The following RELN variants were observed in gnomAD, a reference collection of about 807,000 sequenced individuals.
RELN encodes reelin.
In RELN, 108 loss-of-function variants were observed where a neutral mutation model predicts 427.6. The observed-to-expected ratio is 0.25, with a 90% CI of 0.22 to 0.30. RELN has a LOEUF of 0.30. Among genes scored for constraint, RELN ranks in the 10% least tolerant of loss-of-function variants. The probability of loss-of-function intolerance (pLI) is 1.00; values close to 1 mark genes in which losing one functional copy is unlikely to be tolerated. For synonymous variants in RELN, 1,524 were observed against 1,513.4 expected (o/e 1.01, Z -0.16); for missense variants, 3,715 against 4,302.8 (o/e 0.86, Z 3.82).
Position 103,824,111 on chromosome 7 carries a change from C to A in RELN, c.473+9426G>T, listed in dbSNP as rs917922080. ...ACTGAAGGCTTATCACGACCTTTATCAGTACTAATTTATTTTATTTATCTT... is the reference window on the plus strand; with the variant it reads ...ACTGAAGGCTTATCACGACCTTTATAAGTACTAATTTATTTTATTTATCTT... On this transcript the variant is annotated intron_variant, in intron 3 of 64. Coordinates refer to ENST00000428762, the MANE Select transcript of RELN (RefSeq NM_005045.4). This position sits in a 1 kb window ranked among gnomAD's most constrained non-coding sequence, Gnocchi z 4.4. 2.6e-5 allele frequency among the ~76,000 whole-genome samples: 4 copies of A among 152,046 alleles called. No homozygotes were observed. The highest frequency in any genetic ancestry group is 4.4e-5 in the Non-Finnish European group (3 of 68,004).
chr7:103,715,894 G>A (rs1481195666), intron 8 of RELN, among the ~76,000 whole-genome samples: 4 of 152,148 alleles, frequency 2.6e-5, no homozygotes, highest in African/African-American at 4.8e-5. Context: ...CTGCCAGGCC[G>A]TCCTCCTTTC....
chr7:103,941,774 G>C (rs1431975575), intron 1 of RELN, among the ~76,000 whole-genome samples: 1 of 151,848 alleles, frequency 6.6e-6, no homozygotes, highest in Non-Finnish European at 1.5e-5. Context: ...GTGACTTTTG[G>C]AAACTAAAAA....
chr7:103,513,013 TTA>T lies in RELN; in HGVS notation c.8120-2010_8120-2009del, dbSNP rs1328309625. ...GATTCAAATAGTTACTGCAATTCCA[TTA>T]TCTGTTTTTTTACTGTGAGGGATTT... On this transcript the variant is annotated intron_variant, in intron 50 of 64. Transcript: ENST00000428762. 3 of 152,340 alleles carry T rather than the reference TTA, an allele frequency of 2.0e-5. No homozygotes were observed. The East Asian group carries it at 5.8e-4, about 29-fold the overall frequency. The allele number at this position is 152,340 out of a possible 1,614,324, so 9.4% of individuals were successfully genotyped here.
intron 46 of RELN, 32 bp downstream of exon 46, chr7:103,535,284 A>T (rs1209813352): frequency 6.2e-7 from 1 of 1,607,758 alleles, no homozygotes; most frequent in African/African-American, 1.3e-5. Flanking sequence ...TATACGTAGA[A>T]GCATGTGGTG....
At chr7:103,630,642 A>G (rs1832432422) in intron 19 of RELN, among the ~76,000 whole-genome samples, 1 of 152,214 alleles carries the variant, frequency 6.6e-6, no homozygotes, top group African/African-American at 2.4e-5. Flanking sequence ...CGATTATTGT[A>G]CACAGCAGCG....
intron 6 of RELN, among the ~76,000 whole-genome samples, chr7:103,733,635 T>C (rs28568319): frequency 0.023 from 3,204 of 139,896 alleles, 151 homozygotes; most frequent in African/African-American, 0.083. Context: ...TTCATGTCCT[T>C]TGTAGGGACA....
At chr7:103,805,420 A>T (rs1300837133) in intron 3 of RELN, among the ~76,000 whole-genome samples, 1 of 152,222 alleles carries the variant, frequency 6.6e-6, no homozygotes, top group African/African-American at 2.4e-5. Context: ...CATATAACTG[A>T]CAACTATATG....
intron 4 of RELN, among the ~76,000 whole-genome samples, chr7:103,755,815 G>GAAAAAAA (rs4006762): frequency 1.1e-4 from 11 of 103,624 alleles, no homozygotes; most frequent in Non-Finnish European, 1.6e-4. Flanking sequence ...TCCACCTCAA[G>GAAAAAAA]AAAAAAAAAA....
Position 103,575,601 on chromosome 7 carries a change from C to T in RELN, c.4250G>A (p.Ser1417Asn), listed in dbSNP as rs1204957809. The T allele has an allele frequency of 1.2e-6, 2 of 1,614,160 alleles. No individual in the cohort carries two copies. The highest frequency in any genetic ancestry group is 4.5e-5 in the East Asian group (2 of 44,874). Residue 1417 changes from serine to asparagine, a missense_variant, in exon 29 of 65, where the codon AGT becomes AAT. Coordinates refer to ENST00000428762, the MANE Select transcript of RELN (RefSeq NM_005045.4). ...TCCTGAAATGCAGTCCCCATGGCCA[C>T]TGCAGTAACTGGGACAAGGCTCGGA... Reference protein sequence around the residue: ...YISEPCPSYCSGHGDCISGVC... With the variant: ...YISEPCPSYCNGHGDCISGVC...
At position 103,483,662 on chromosome 7, in the gene RELN, T is replaced by G; in HGVS notation, c.10172A>C (p.Asn3391Thr). The change falls in exon 62 of 65, where the codon AAT becomes ACT. Residue 3391 changes from asparagine (N) to threonine (T), a missense_variant. Around this residue, in one of 4 missense-constraint regions of RELN, gnomAD observed 195 missense variants for 281.3 expected, o/e 0.69. Transcript: ENST00000428762. ...DFTQAQRVSY[N>T]VPLEARMKGV... ...CATTTGGGCCACTTACAGGGGGACA[T>G]TGTAAGACACTCTCTGAGCTTGTGT... is the stretch of plus-strand genomic sequence containing the variant. 1 of 1,614,138 alleles carries G rather than the reference T, an allele frequency of 6.2e-7. No individual in the cohort carries two copies.
chr7:103,560,057 A>G (rs1406469626), intron 36 of RELN, among the ~76,000 whole-genome samples: 1 of 152,152 alleles, frequency 6.6e-6, no homozygotes, highest in Non-Finnish European at 1.5e-5. Flanking sequence ...TTATATTTGT[A>G]ATATTTGTTT....
At chr7:103,736,793 A>G (rs1790504744) in intron 6 of RELN, among the ~76,000 whole-genome samples, 1 of 152,198 alleles carries the variant, frequency 6.6e-6, no homozygotes, top group Admixed American at 6.6e-5. Flanking sequence ...CAGAAATTAA[A>G]CAAGGAAGTA....
chr7:103,833,600 G>A lies in RELN; in HGVS notation c.410C>T (p.Pro137Leu), dbSNP rs1793327210. ...CCAGATGAAACTGAGGTTGGTTGTG[G>A]GCAGGTGACTCACGTGAGAGGCTAC... is the stretch of plus-strand genomic sequence containing the variant. The part of the protein sequence containing the change: ...SVVASHVSHL[P>L]TTNLSFIWIA... The change falls in exon 3 of 65, where the codon CCC becomes CTC. Residue 137 changes from proline to leucine, a missense_variant. Coordinates refer to ENST00000428762, the MANE Select transcript of RELN (RefSeq NM_005045.4). 1.9e-6 allele frequency: 3 copies of A among 1,613,696 alleles called. No individual in the cohort carries two copies. Among genetic ancestry groups the A allele is most frequent in the African/African-American group, 2.7e-5 (2 of 74,904 alleles).
At chr7:103,813,127 C>T (rs1271937751) in intron 3 of RELN, among the ~76,000 whole-genome samples, 4 of 152,240 alleles carry the variant, frequency 2.6e-5, no homozygotes, top group South Asian at 2.1e-4. Flanking sequence ...GTAGATACTA[C>T]GTTTGTTTCC....
At chr7:103,889,719 A>G (rs6942790) in intron 2 of RELN, among the ~76,000 whole-genome samples, 32,473 of 152,096 alleles carry the variant, frequency 0.21, 3,702 homozygotes, top group African/African-American at 0.25. Context: ...AATATTGAGG[A>G]AGGTTCTGTC....
intron 2 of RELN, among the ~76,000 whole-genome samples, chr7:103,839,165 C>G (rs1166561824): frequency 2.0e-5 from 3 of 152,186 alleles, no homozygotes. Flanking sequence ...AGAAAGCCAA[C>G]AGTATCTTAC....
In RELN at chr7:103,588,504, A is replaced by G. The variant is rs1176938489; in HGVS notation, c.4145+1092T>C. On this transcript the variant is annotated intron_variant, in intron 28 of 64. Coordinates refer to ENST00000428762, the MANE Select transcript of RELN (RefSeq NM_005045.4). ...CAGAGAAGGGTGACTATACTTAACA[A>G]AAGTATACTGTACTCAAGTGATGGA... Among the ~76,000 whole-genome samples, 4 of 152,222 alleles carry G rather than the reference A, an allele frequency of 2.6e-5. No homozygotes were observed. In the East Asian group the frequency reaches 7.7e-4, roughly 29 times the overall value.
At position 103,650,327 on chromosome 7, in the gene RELN, A is replaced by C; in HGVS notation, c.1949T>G (p.Ile650Ser). Reference sequence around the variant, plus strand: ...GATTGGTCCTGTTTGTCTCCAGCGAATCCTGGTGTTCCGGGTTAGTGCTGC... The same window carrying C: ...GATTGGTCCTGTTTGTCTCCAGCGACTCCTGGTGTTCCGGGTTAGTGCTGC... ...PNAALTRNTR[I>S]RWRQTGPILG... Residue 650 changes from isoleucine (I) to serine (S), a missense_variant, in exon 16 of 65, where the codon ATT (isoleucine) becomes AGT (serine). By Grantham distance (142) the Ile-to-Ser change is moderately radical. Coordinates refer to ENST00000428762, the MANE Select transcript of RELN (RefSeq NM_005045.4). 6.2e-7 allele frequency: 1 copy of C among 1,613,120 alleles called. No individual in the cohort carries two copies. The highest frequency in any genetic ancestry group is 8.5e-7 in the Non-Finnish European group (1 of 1,179,422).
Position 103,620,098 on chromosome 7 carries a change from C to A in RELN, c.2703-8295G>T, listed in dbSNP as rs753795117. On this transcript the variant is annotated intron_variant, in intron 20 of 64. Coordinates refer to ENST00000428762, the MANE Select transcript of RELN (RefSeq NM_005045.4). This position sits in a 1 kb window ranked among gnomAD's most constrained non-coding sequence, Gnocchi z 4.1. Reference sequence around the variant, plus strand: ...GTGGGAGGGATCCAGTGGGAGATAACTGAATGATGGGGATGGGTTCACCCA... The same window carrying A: ...GTGGGAGGGATCCAGTGGGAGATAAATGAATGATGGGGATGGGTTCACCCA... Among the ~76,000 whole-genome samples the A allele has an allele frequency of 1.3e-5, 2 of 152,154 alleles. No individual in the cohort carries two copies. Among genetic ancestry groups the A allele is most frequent in the Non-Finnish European group, 2.9e-5 (2 of 68,028 alleles).
Sources: gnomAD v4.1 joint callset for allele counts (sites outside exome capture counted in the v4.1 genomes callset) on GRCh38, gnomAD v4.1.1 for gene constraint, gnomAD v4.1.1 regional missense constraint, Gnocchi (gnomAD v3.1) non-coding constraint, MANE v1.5 for transcripts, NCBI Gene and HGNC (gene_info 2026-07-23, HGNC 2026-07-21) for gene names.